Variants in CDK14 observed in about 807,000 individuals in gnomAD.
CDK14 encodes the protein cyclin-dependent kinase 14.
Under a neutral mutation model 60.7 loss-of-function variants are expected in CDK14, and 34 were observed. The observed-to-expected ratio is 0.56, with a 90% CI of 0.43 to 0.75. CDK14 has a LOEUF of 0.75. CDK14 is among the 30% of genes least tolerant of loss of function. The pLI is 0.00. For synonymous variants in CDK14, 197 were observed against 203.7 expected (o/e 0.97, Z 0.28); for missense variants, 482 against 564.1 (o/e 0.85, Z 1.47).
intron 2 of CDK14, among the ~76,000 whole-genome samples, chr7:90,637,702 G>T (rs1010305792): frequency 2.3e-4 from 33 of 146,480 alleles, no homozygotes; most frequent in Admixed American, 9.0e-4. Context: ...TTAACTTTCT[G>T]TCTCGTTGAT....
chr7:90,950,360 C>T (rs1473442389), intron 8 of CDK14, among the ~76,000 whole-genome samples: 1 of 152,134 alleles, frequency 6.6e-6, no homozygotes, highest in Non-Finnish European at 1.5e-5. Context: ...GTGTTAACCA[C>T]TGCGCCTGGC....
intron 10 of CDK14, among the ~76,000 whole-genome samples, chr7:91,020,712 A>G (rs1322138884): frequency 5.9e-5 from 9 of 151,978 alleles, no homozygotes; most frequent in Admixed American, 5.9e-4. Flanking sequence ...CATGCCTATT[A>G]TTTTTCCATG....
At chr7:90,772,390 G>T (rs572813008) in intron 4 of CDK14, among the ~76,000 whole-genome samples, 2 of 152,282 alleles carry the variant, frequency 1.3e-5, no homozygotes, top group South Asian at 4.1e-4. Flanking sequence ...TGGAACTTGA[G>T]GCTTCCTGGG....
At chr7:90,895,384 T>A (rs188850091) in intron 6 of CDK14, among the ~76,000 whole-genome samples, 11 of 4,326 alleles carry the variant, frequency 2.5e-3, no homozygotes, top group Non-Finnish European at 3.3e-3. Context: ...CCCTCTCCTC[T>A]CCTCTCCTCT....
At chr7:90,792,198 CTTT>C (rs35700270) in intron 5 of CDK14, among the ~76,000 whole-genome samples, 1 of 143,572 alleles carries the variant, frequency 7.0e-6, no homozygotes, top group East Asian at 2.0e-4. Flanking sequence ...CTGTGCCTGC[CTTT>C]TTTTTTTTTT....
intron 6 of CDK14, among the ~76,000 whole-genome samples, chr7:90,892,696 G>A (rs1457970940): frequency 6.6e-6 from 1 of 152,212 alleles, no homozygotes; most frequent in Non-Finnish European, 1.5e-5. Context: ...TTCCCCTGGA[G>A]ATACTCCTGC....
intron 4 of CDK14, among the ~76,000 whole-genome samples, chr7:90,783,191 ATTC>A: frequency 6.6e-6 from 1 of 152,280 alleles, no homozygotes; most frequent in East Asian, 1.9e-4. Flanking sequence ...GTAGCAATCA[ATTC>A]TTTTTATAGG....
At chr7:90,795,407 T>G (rs188091744) in intron 5 of CDK14, among the ~76,000 whole-genome samples, 1 of 151,702 alleles carries the variant, frequency 6.6e-6, no homozygotes, top group African/African-American at 2.4e-5. Flanking sequence ...AAAGACTTTG[T>G]TTTATTATAA....
intron 10 of CDK14, among the ~76,000 whole-genome samples, chr7:91,006,032 A>G (rs1387095156): frequency 1.3e-5 from 2 of 152,334 alleles, no homozygotes. Flanking sequence ...GCTCATCCAA[A>G]CAACTCTGCA....
At chr7:90,633,720 C>T (rs1167798918) in intron 2 of CDK14, among the ~76,000 whole-genome samples, 2 of 152,010 alleles carry the variant, frequency 1.3e-5, no homozygotes, top group Non-Finnish European at 2.9e-5. Context: ...TAATAAATGC[C>T]TAAAAGACAT....
chr7:91,183,331 A>C (rs1802063387), intron 14 of CDK14, among the ~76,000 whole-genome samples: 1 of 152,170 alleles, frequency 6.6e-6, no homozygotes, highest in Non-Finnish European at 1.5e-5. Context: ...TAGTGTTTTC[A>C]AAGCTGGTCT....
At chr7:90,785,837 A>G (rs16867952) in intron 4 of CDK14, among the ~76,000 whole-genome samples, 23,200 of 150,876 alleles carry the variant, frequency 0.15, 1,922 homozygotes, top group Middle Eastern at 0.25. Context: ...CTTTACTCCC[A>G]CAAGAAAATT....
At chr7:90,955,946 C>T in intron 9 of CDK14, 129 bp downstream of exon 9, 1 of 1,065,106 alleles carries the variant, frequency 9.4e-7, no homozygotes, top group Non-Finnish European at 1.4e-6. Context: ...TGTGGCCATG[C>T]TGCTGGATGT....
At chr7:91,016,105 G>A (rs1483045304) in intron 10 of CDK14, among the ~76,000 whole-genome samples, 1 of 152,170 alleles carries the variant, frequency 6.6e-6, no homozygotes, top group Non-Finnish European at 1.5e-5. Context: ...CCTGGAGGAT[G>A]TTGTGTGGAG....
At chr7:90,825,687 A>G (rs1401084739) in intron 5 of CDK14, among the ~76,000 whole-genome samples, 2 of 152,226 alleles carry the variant, frequency 1.3e-5, no homozygotes, top group Admixed American at 1.3e-4. Context: ...TCTTACTAAC[A>G]TAATTTCAGG....
chr7:91,042,508 C>CT (rs1319508793), intron 10 of CDK14, among the ~76,000 whole-genome samples: 1 of 152,214 alleles, frequency 6.6e-6, no homozygotes, highest in Non-Finnish European at 1.5e-5. Context: ...CAAGTCCTTA[C>CT]ATCTTCTGTG....
In CDK14 at chr7:90,677,663, T is replaced by A. The variant is rs542146142; in HGVS notation, c.124-48904T>A. Among the ~76,000 whole-genome samples, 19 of 149,966 alleles carry A rather than the reference T, an allele frequency of 1.3e-4. No homozygotes were observed. In the South Asian group the frequency reaches 4.1e-3, roughly 32 times the overall value. Reference sequence around the variant, plus strand: ...CCTGGAAGCTGTTTTTTTTTTCCCCTTGTGAATAGGAGGAGGAAAGCCTAC... The same window carrying A: ...CCTGGAAGCTGTTTTTTTTTTCCCCATGTGAATAGGAGGAGGAAAGCCTAC... On this transcript the variant is annotated intron_variant, in intron 2 of 14. Coordinates refer to ENST00000380050, the MANE Select transcript of CDK14 (RefSeq NM_001287135.2).
chr7:90,885,120 A>C (rs1290751759), intron 6 of CDK14, among the ~76,000 whole-genome samples: 1 of 152,240 alleles, frequency 6.6e-6, no homozygotes, highest in Non-Finnish European at 1.5e-5. Flanking sequence ...TCTGCACAGC[A>C]AAAGAAAGTA....
intron 5 of CDK14, among the ~76,000 whole-genome samples, chr7:90,847,634 T>C (rs1313428504): frequency 1.3e-5 from 2 of 152,192 alleles, no homozygotes; most frequent in South Asian, 2.1e-4. Context: ...ACAATATTGG[T>C]AGTTAGAGAA....
Sources: allele counts gnomAD v4.1 joint callset (sites outside exome capture counted in the v4.1 genomes callset), GRCh38; gene constraint gnomAD v4.1.1; transcripts MANE v1.5; gene names NCBI Gene and HGNC (gene_info 2026-07-23, HGNC 2026-07-21).